TBC1D19: variants seen among roughly 807,000 people sequenced by gnomAD.
TBC1D19 encodes TBC1 domain family member 19, also known as TBC1 domain family, member 19.
A neutral mutation model predicts 89.0 loss-of-function variants in TBC1D19; 60 were observed. That is an observed-to-expected ratio of 0.67 (90% CI 0.55 to 0.84). The LOEUF (loss-of-function observed/expected upper bound fraction) is 0.84, where lower values mean the gene tolerates loss of function less well. TBC1D19 is among the 40% of genes least tolerant of loss of function. The pLI is 0.00. For synonymous variants in TBC1D19, 189 were observed against 199.7 expected, an observed-to-expected ratio of 0.95 and a Z score of 0.45; for missense variants, 500 against 610.8, an observed-to-expected ratio of 0.82 and a Z score of 1.91.
chr4:26,765,748 C>G, the TBC1D19 span, among the ~76,000 whole-genome samples: 2 of 152,098 alleles, frequency 1.3e-5, no homozygotes, highest in Non-Finnish European at 2.9e-5. Context: ...GTGGTAGTCT[C>G]TGCTCTATCA....
intron 1 of TBC1D19, among the ~76,000 whole-genome samples, chr4:26,611,234 A>G (rs1332008124): frequency 1.3e-5 from 2 of 152,054 alleles, no homozygotes; most frequent in Non-Finnish European, 2.9e-5. Context: ...GCATTCCTTG[A>G]TAATTTTATT....
chr4:26,606,440 T>A (rs1741009143), intron 1 of TBC1D19, among the ~76,000 whole-genome samples: 1 of 152,150 alleles, frequency 6.6e-6, no homozygotes, highest in Admixed American at 6.5e-5. Flanking sequence ...TAGGAAGCTC[T>A]CTCACAGAAG....
At chr4:26,736,751 T>C (rs1293669612) in intron 16 of TBC1D19, among the ~76,000 whole-genome samples, 2 of 152,184 alleles carry the variant, frequency 1.3e-5, no homozygotes, top group Non-Finnish European at 2.9e-5. Context: ...GAGCTCATGA[T>C]TTCTCCAGGC....
chr4:26,846,119 G>C, the TBC1D19 span, among the ~76,000 whole-genome samples: 2 of 151,690 alleles, frequency 1.3e-5, no homozygotes, highest in African/African-American at 2.4e-5. Flanking sequence ...ATATGACATC[G>C]TGTATATATC....
intron 13 of TBC1D19, among the ~76,000 whole-genome samples, chr4:26,699,950 C>T (rs1459062659): frequency 1.3e-5 from 2 of 151,536 alleles, no homozygotes; most frequent in African/African-American, 4.9e-5. Flanking sequence ...CAACATGGCA[C>T]ATGTATACAT....
chr4:26,800,851 G>T, the TBC1D19 span, among the ~76,000 whole-genome samples: 1 of 152,088 alleles, frequency 6.6e-6, no homozygotes, highest in Non-Finnish European at 1.5e-5. Flanking sequence ...TTTTGATGGG[G>T]TCATTTGTTT....
chr4:26,726,766 G>C (rs754211906), intron 15 of TBC1D19, among the ~76,000 whole-genome samples: 3 of 152,166 alleles, frequency 2.0e-5, no homozygotes, highest in African/African-American at 7.2e-5. Flanking sequence ...AATCAGATAG[G>C]CGAGTTACGG....
chr4:26,761,442 TTC>T, the TBC1D19 span, among the ~76,000 whole-genome samples: 7 of 152,242 alleles, frequency 4.6e-5, no homozygotes, highest in Admixed American at 3.3e-4. Flanking sequence ...TTATCCCTAC[TTC>T]TTTCACATTT....
rs1274480326 is a variant in TBC1D19, at chr4:26,613,228, C to A, written c.159C>A (p.Phe53Leu). The change falls in exon 2 of 21, where the codon TTC becomes TTA. Residue 53 changes from phenylalanine (F) to leucine (L), a missense_variant. By Grantham distance (22) the Phe-to-Leu change is conservative. Coordinates refer to ENST00000264866, the MANE Select transcript of TBC1D19 (RefSeq NM_018317.4). ...LESLKEDIKE[F>L]FKISGWEKKL... ...CACTGAAAGAAGATATTAAGGAATT[C>A]TTTAAAATATCAGGTTTGTAAGTTT... 2.0e-5 allele frequency: 32 copies of A among 1,570,982 alleles called. No individual in the cohort carries two copies. The highest frequency in any genetic ancestry group is 2.8e-5 in the Non-Finnish European group (32 of 1,154,132).
chr4:26,706,357 T>C (rs1715737794), intron 13 of TBC1D19, among the ~76,000 whole-genome samples: 1 of 152,142 alleles, frequency 6.6e-6, no homozygotes, highest in Non-Finnish European at 1.5e-5. Context: ...TTTTATTTCT[T>C]TAGAGTCAGT....
chr4:26,607,635 T>A (rs1741096228), intron 1 of TBC1D19, among the ~76,000 whole-genome samples: 1 of 152,188 alleles, frequency 6.6e-6, no homozygotes, highest in South Asian at 2.1e-4. Context: ...TGATAAGCCA[T>A]ATTCACTTAA....
intron 1 of TBC1D19, among the ~76,000 whole-genome samples, chr4:26,578,858 T>C (rs1450932372): frequency 6.6e-6 from 1 of 152,178 alleles, no homozygotes; most frequent in Non-Finnish European, 1.5e-5. Flanking sequence ...AATCTCAAAT[T>C]CCAGTAGAGT....
intron 13 of TBC1D19, among the ~76,000 whole-genome samples, chr4:26,713,462 C>G (rs1716342326): frequency 6.6e-6 from 1 of 151,584 alleles, no homozygotes; most frequent in Non-Finnish European, 1.5e-5. Flanking sequence ...AGAGATGTTC[C>G]CACTAAAGGA....
At chr4:26,580,144 G>A (rs1353903260), upstream of TBC1D19, among the ~76,000 whole-genome samples, 1 of 152,198 alleles carries the variant, frequency 6.6e-6, no homozygotes, top group Non-Finnish European at 1.5e-5. Flanking sequence ...CACATAAATT[G>A]TCTGGGACCA....
intron 7 of TBC1D19, among the ~76,000 whole-genome samples, chr4:26,643,753 C>T (rs1044981112): frequency 1.3e-5 from 2 of 151,988 alleles, no homozygotes; most frequent in African/African-American, 2.4e-5. Context: ...ATATCACCAC[C>T]GATTCCACAG....
At chr4:26,645,899 G>A (rs372841096) in intron 7 of TBC1D19, among the ~76,000 whole-genome samples, 30 of 151,900 alleles carry the variant, frequency 2.0e-4, no homozygotes, top group East Asian at 9.7e-4. Flanking sequence ...CGAGGCGGGC[G>A]GATCACGAGG....
At chr4:26,845,019 T>G in the TBC1D19 span, among the ~76,000 whole-genome samples, 1 of 152,204 alleles carries the variant, frequency 6.6e-6, no homozygotes, top group Non-Finnish European at 1.5e-5. Flanking sequence ...TAACAGACCA[T>G]TTTCCTATCA....
At chr4:26,666,232 CTG>C (rs1219531113) in intron 8 of TBC1D19, 99 bp from the exon 9 acceptor site, 3 of 895,374 alleles carry the variant, frequency 3.4e-6, no homozygotes, top group East Asian at 2.5e-5. Flanking sequence ...TCATTTCACA[CTG>C]TGATTTTTAT....
chr4:26,753,804 G>A lies in TBC1D19; in HGVS notation c.1436-16G>A, dbSNP rs1192745110. ...TGAGTAGGCCAGCAGTTGAAGTAGT[G>A]TGCATTCTTTTCCAGTGCTGGCAGC... On this transcript the variant is annotated splice_polypyrimidine_tract_variant and intron_variant, in intron 19 of 20. Transcript: ENST00000264866. The A allele has an allele frequency of 1.9e-6, 3 of 1,613,580 alleles. No homozygotes were observed. Among genetic ancestry groups the A allele is most frequent in the Admixed American group, 1.7e-5 (1 of 59,986 alleles).
Sources: gnomAD v4.1 joint callset for allele counts (sites outside exome capture counted in the v4.1 genomes callset) on GRCh38, gnomAD v4.1.1 for gene constraint, MANE v1.5 for transcripts, NCBI Gene and HGNC (gene_info 2026-07-23, HGNC 2026-07-21) for gene names.